CSTA: variants seen among roughly 807,000 people sequenced by gnomAD.
CSTA encodes cystatin A.
In CSTA, 9 loss-of-function variants were observed where a neutral mutation model predicts 9.2. The observed-to-expected ratio is 0.97, with a 90% CI of 0.59 to 1.70. The LOEUF (loss-of-function observed/expected upper bound fraction) is 1.70, where lower values mean the gene tolerates loss of function less well. CSTA is among the 40% of genes most tolerant of loss of function. The pLI is 0.00. For synonymous variants in CSTA, 36 were observed against 40.6 expected (o/e 0.89, Z 0.43); for missense variants, 118 against 113.1 (o/e 1.04, Z -0.20).
chr3:122,329,694 T>C (rs998886787), intron 1 of CSTA, among the ~76,000 whole-genome samples: 1 of 152,262 alleles, frequency 6.6e-6, no homozygotes, highest in African/African-American at 2.4e-5. Flanking sequence ...ATGAGGTCTA[T>C]AAGATATGGC....
chr3:122,329,212 C>T (rs957566525), intron 1 of CSTA, among the ~76,000 whole-genome samples: 25 of 151,984 alleles, frequency 1.6e-4, no homozygotes, highest in Non-Finnish European at 2.5e-4. Flanking sequence ...ATGATCCACC[C>T]GCCTTGGCCT....
intron 1 of CSTA, among the ~76,000 whole-genome samples, chr3:122,329,918 T>C (rs1180209392): frequency 6.6e-6 from 1 of 152,228 alleles, no homozygotes. Context: ...TTATCACTTA[T>C]CTGCCCTCTC....
chr3:122,330,195 C>T (rs901984208), intron 1 of CSTA, among the ~76,000 whole-genome samples: 1 of 152,200 alleles, frequency 6.6e-6, no homozygotes, highest in African/African-American at 2.4e-5. Context: ...ATCTCCACTA[C>T]CTGTCACTTA....
chr3:122,334,729 C>T (rs2107667420), intron 1 of CSTA, among the ~76,000 whole-genome samples: 1 of 152,256 alleles, frequency 6.6e-6, no homozygotes, highest in African/African-American at 2.4e-5. Flanking sequence ...AGGAGATAGG[C>T]AAGTACCACC....
intron 2 of CSTA, among the ~76,000 whole-genome samples, chr3:122,338,499 C>CAAAA (rs58446448): frequency 0.087 from 12,217 of 139,870 alleles, 1,044 homozygotes; most frequent in East Asian, 0.41. Flanking sequence ...ATTTTTTCAG[C>CAAAA]AAAAAAAAAA....
At chr3:122,337,458 T>G in intron 1 of CSTA, 89 bp from the exon 2 acceptor site, 1 of 836,146 alleles carries the variant, frequency 1.2e-6, no homozygotes, top group South Asian at 1.4e-5. Flanking sequence ...TTGAAGACTT[T>G]TAGGAGGATG....
At chr3:122,332,622 A>C (rs898854570) in intron 1 of CSTA, among the ~76,000 whole-genome samples, 2 of 152,332 alleles carry the variant, frequency 1.3e-5, no homozygotes, top group Middle Eastern at 3.4e-3. Context: ...ATTCATGCTC[A>C]GTAGCAATGA....
At chr3:122,332,512 A>G (rs2075210554) in intron 1 of CSTA, among the ~76,000 whole-genome samples, 1 of 152,156 alleles carries the variant, frequency 6.6e-6, no homozygotes, top group Admixed American at 6.5e-5. Context: ...GCACAGTCCT[A>G]TTGTTTCTGT....
At chr3:122,335,086 G>A (rs1368051399) in intron 1 of CSTA, among the ~76,000 whole-genome samples, 1 of 152,244 alleles carries the variant, frequency 6.6e-6, no homozygotes, top group Non-Finnish European at 1.5e-5. Flanking sequence ...AGGCCCAGCT[G>A]AGAGTGGGAA....
chr3:122,325,301 T>C lies in CSTA; in HGVS notation c.9T>C (p.Pro3=), dbSNP rs374025526. The change falls in exon 1 of 3, where the codon CCT becomes CCC. Residue 3 remains proline (P), a synonymous_variant. Coordinates refer to ENST00000264474, the MANE Select transcript of CSTA (RefSeq NM_005213.4). MI[P]GGLSEAKPAT... Reference sequence around the variant, plus strand: ...AGAAGCAATCAGCCAAAATGATACCTGGAGGCTTATCTGAGGCCAAACCCG... The same window carrying C: ...AGAAGCAATCAGCCAAAATGATACCCGGAGGCTTATCTGAGGCCAAACCCG... 1.2e-6 allele frequency: 2 copies of C among 1,612,670 alleles called. No homozygotes were observed. Among genetic ancestry groups the C allele is most frequent in the Non-Finnish European group, 1.7e-6 (2 of 1,179,900 alleles).
chr3:122,330,982 T>C (rs1226291871), intron 1 of CSTA, among the ~76,000 whole-genome samples: 6 of 152,126 alleles, frequency 3.9e-5, no homozygotes, highest in African/African-American at 1.2e-4. Context: ...CATTATCTTA[T>C]ATAATATGTT....
chr3:122,325,560 CA>C (rs1237169440), intron 1 of CSTA, among the ~76,000 whole-genome samples: 14 of 152,190 alleles, frequency 9.2e-5, no homozygotes, highest in African/African-American at 3.4e-4. Flanking sequence ...TGACCTTGAG[CA>C]AATCACATTT....
chr3:122,339,227 G>A (rs1559983012), intron 2 of CSTA, among the ~76,000 whole-genome samples: 1 of 152,184 alleles, frequency 6.6e-6, no homozygotes, highest in Non-Finnish European at 1.5e-5. Flanking sequence ...TCCTCTCTGA[G>A]CCTTCATTCC....
intron 1 of CSTA, among the ~76,000 whole-genome samples, chr3:122,329,698 A>T (rs909729328): frequency 2.0e-5 from 3 of 152,280 alleles, no homozygotes; most frequent in Non-Finnish European, 4.4e-5. Flanking sequence ...GGTCTATAAG[A>T]TATGGCCCCT....
At chr3:122,335,532 T>C (rs2075231601) in intron 1 of CSTA, among the ~76,000 whole-genome samples, 1 of 152,306 alleles carries the variant, frequency 6.6e-6, no homozygotes, top group African/African-American at 2.4e-5. Context: ...AGAACCAGGA[T>C]TCTTCCTCAG....
Position 122,333,590 on chromosome 3 carries a change from A to AGAAAGAAG in CSTA, c.67-3954_67-3953insAGAAGGAA, listed in dbSNP as rs1413196014. On this transcript the variant is annotated intron_variant, in intron 1 of 2. Coordinates refer to ENST00000264474, the MANE Select transcript of CSTA (RefSeq NM_005213.4). Reference sequence around the variant, plus strand: ...AAGAAAGAAAGAAAGAAAGAAAGAAAGAAGAAAGAGAGAGAGAGGAAGGAA... The same window carrying AGAAAGAAG: ...AAGAAAGAAAGAAAGAAAGAAAGAAAGAAAGAAGGAAGAAAGAGAGAGAGAGGAAGGAA... Among the ~76,000 whole-genome samples, 11 of 141,142 alleles carry AGAAAGAAG rather than the reference A, an allele frequency of 7.8e-5. No individual in the cohort carries two copies. In the East Asian group the frequency reaches 2.2e-3, roughly 28 times the overall value. The allele number at this position is 141,142 out of a possible 152,430, so 92.6% of individuals were successfully genotyped here. A position where few individuals can be genotyped will look rare whatever the true frequency, so the allele number is the denominator to read the frequency against.
chr3:122,339,184 C>T (rs898930227), intron 2 of CSTA, among the ~76,000 whole-genome samples: 1 of 152,160 alleles, frequency 6.6e-6, no homozygotes, highest in Non-Finnish European at 1.5e-5. Context: ...GGGTTTGAAC[C>T]CTTGTTCAAT....
chr3:122,341,454 A>T lies in CSTA; in HGVS notation c.184A>T (p.Asn62Tyr). 1 of 1,614,028 alleles carries T rather than the reference A, an allele frequency of 6.2e-7. No individual in the cohort carries two copies. The highest frequency in any genetic ancestry group is 8.5e-7 in the Non-Finnish European group (1 of 1,179,900). ...TATTTTTCAGGTACGAGCAGGTGAT[A>T]ATAAATATATGCACTTGAAAGTATT... ...NYYIKVRAGDNKYMHLKVFKS... is the reference protein window; with the variant it reads ...NYYIKVRAGDYKYMHLKVFKS... The change falls in exon 3 of 3, where the codon AAT (asparagine) becomes TAT (tyrosine). Residue 62 changes from asparagine to tyrosine, a missense_variant. By Grantham distance (143) the Asn-to-Tyr change is moderately radical (BLOSUM62 -2). Coordinates refer to ENST00000264474, the MANE Select transcript of CSTA (RefSeq NM_005213.4).
intron 1 of CSTA, among the ~76,000 whole-genome samples, chr3:122,330,992 T>C (rs1256203326): frequency 6.6e-6 from 1 of 152,102 alleles, no homozygotes; most frequent in African/African-American, 2.4e-5. Context: ...TATAATATGT[T>C]AATAAGCATT....
Sources: gnomAD v4.1 joint callset for allele counts (sites outside exome capture counted in the v4.1 genomes callset) on GRCh38, gnomAD v4.1.1 for gene constraint, MANE v1.5 for transcripts, NCBI Gene and HGNC (gene_info 2026-07-23, HGNC 2026-07-21) for gene names.